Variants in NECTIN1 observed in about 807,000 individuals in gnomAD.
NECTIN1 encodes the protein nectin-1.
In NECTIN1, 23 loss-of-function variants were observed where a neutral mutation model predicts 48.0. The observed-to-expected ratio is 0.48, with a 90% CI of 0.34 to 0.68. NECTIN1 has a LOEUF of 0.68. Ranked by LOEUF, NECTIN1 falls within the 30% of genes least tolerant of loss-of-function variation. The pLI is 0.01. For synonymous variants in NECTIN1, 270 were observed against 288.9 expected (o/e 0.93, Z 0.66); for missense variants, 591 against 709.9 (o/e 0.83, Z 1.90).
At chr11:119,690,427 C>T (rs569757161) in intron 1 of NECTIN1, among the ~76,000 whole-genome samples, 11 of 152,296 alleles carry the variant, frequency 7.2e-5, no homozygotes, top group African/African-American at 1.9e-4. Context: ...AGTCTTTATC[C>T]GATGTGCTTC....
chr11:119,657,891 A>T (rs570241293), downstream of NECTIN1, among the ~76,000 whole-genome samples: 1 of 134,276 alleles, frequency 7.4e-6, no homozygotes, highest in South Asian at 2.4e-4. Context: ...ACTGCACTCC[A>T]GCCTGGGTGA....
chr11:119,664,424 G>A lies in NECTIN1; in HGVS notation c.*323C>T. On this transcript the variant is annotated 3_prime_UTR_variant, in exon 6 of 6. Transcript: ENST00000264025. ...GAGGCTGGCTCCCCAAACCCTGGAG[G>A]GATGCCCAGGTACACAAGACGAGAA... The A allele has an allele frequency of 8.8e-7, 1 of 1,140,340 alleles. No individual in the cohort carries two copies. The highest frequency in any genetic ancestry group is 1.1e-6 in the Non-Finnish European group (1 of 926,674). 70.6% of individuals were successfully genotyped at this position (1,140,340 alleles called of 1,614,324 possible).
In NECTIN1 at chr11:119,678,878, C is replaced by T. The variant is rs560937698; in HGVS notation, c.80-113G>A. ...ATAGCAGTCATTATTGTTTTTATTC[C>T]GATTGTAAAAATATTAATTACTTGT... On this transcript the variant is annotated intron_variant, in intron 1 of 5. Coordinates refer to ENST00000264025, the MANE Select transcript of NECTIN1 (RefSeq NM_002855.5). The surrounding 1 kb of genome is among the most constrained non-coding windows in gnomAD (Gnocchi z 4.4). 1.3e-4 allele frequency: 96 copies of T among 740,956 alleles called. No homozygotes were observed. Among genetic ancestry groups the T allele is most frequent in the African/African-American group, 6.6e-4 (38 of 57,296 alleles). 45.9% of individuals were successfully genotyped at this position (740,956 alleles called of 1,614,324 possible).
rs939328781 is a variant in NECTIN1, at chr11:119,728,720, G to C, written c.-167C>G. 8.7e-6 allele frequency: 4 copies of C among 461,836 alleles called. No individual in the cohort carries two copies. The highest frequency in any genetic ancestry group is 8.2e-5 in the African/African-American group (4 of 48,568). 28.6% of individuals were successfully genotyped at this position (461,836 alleles called of 1,614,324 possible). A position where few individuals can be genotyped will look rare whatever the true frequency, so the allele number is the denominator to read the frequency against. ...GGGGTGGGCTGGGTGGGATCCGCGC[G>C]GCCGCAGTCCGGGCCCCGGGCCGCC... is the stretch of plus-strand genomic sequence containing the variant. On this transcript the variant is annotated 5_prime_UTR_variant, in exon 1 of 6. Coordinates refer to ENST00000264025, the MANE Select transcript of NECTIN1 (RefSeq NM_002855.5).
At chr11:119,667,931 T>C (rs1204572802) in intron 5 of NECTIN1, among the ~76,000 whole-genome samples, 2 of 152,084 alleles carry the variant, frequency 1.3e-5, no homozygotes, top group African/African-American at 4.8e-5. Flanking sequence ...TCAGCAAAAA[T>C]AGGGGGGTCG....
In NECTIN1 at chr11:119,677,593, A is replaced by G. The variant is rs776714103; in HGVS notation, c.695T>C (p.Met232Thr). The G allele has an allele frequency of 6.2e-7, 1 of 1,613,176 alleles. No homozygotes were observed. The highest frequency in any genetic ancestry group is 8.5e-7 in the Non-Finnish European group (1 of 1,180,014). The change falls in exon 3 of 6, where the codon ATG (methionine) becomes ACG (threonine). Residue 232 changes from methionine to threonine, a missense_variant. Coordinates refer to ENST00000264025, the MANE Select transcript of NECTIN1 (RefSeq NM_002855.5). This position sits in a 1 kb window ranked among gnomAD's most constrained non-coding sequence, Gnocchi z 5.4. ...QSLACIVNYH[M>T]DRFKESLTLN... The stretch of plus-strand genomic sequence containing the variant: ...AGTGAGGCTTTCCTTGAAGCGGTCC[A>G]TGTGGTAGTTGACGATGCAGGCCAA...
At chr11:119,655,698 T>C (rs1864562340) in intron 5 of NECTIN1, among the ~76,000 whole-genome samples, 1 of 152,172 alleles carries the variant, frequency 6.6e-6, no homozygotes, top group African/African-American at 2.4e-5. Flanking sequence ...TTATTCTGTG[T>C]AGCTTCCCAG....
chr11:119,657,408 G>A (rs751233362), downstream of NECTIN1, among the ~76,000 whole-genome samples: 35 of 152,046 alleles, frequency 2.3e-4, no homozygotes, highest in Non-Finnish European at 3.8e-4. Context: ...AAGTTCAGGA[G>A]GTCGAGATCA....
At chr11:119,660,609 G>C (rs1864645651), downstream of NECTIN1, among the ~76,000 whole-genome samples, 1 of 152,174 alleles carries the variant, frequency 6.6e-6, no homozygotes. Flanking sequence ...GTGGGTGATA[G>C]GGGAACTGGA....
At position 119,655,572 on chromosome 11, in the gene NECTIN1, G is replaced by C. The variant is rs80144559; in HGVS notation, c.1004-15560C>G. On this transcript the variant is annotated intron_variant, in intron 5 of 7. Coordinates refer to the NECTIN1 transcript ENST00000341398. ...TCTGAAGCCCAGGCTCCTAACAGCT[G>C]TGTTGCTAAGTGGCCTGATGACGAT... Among the ~76,000 whole-genome samples, 124 of 152,300 alleles carry C rather than the reference G, an allele frequency of 8.1e-4. 1 individual carries two copies. The highest frequency in any genetic ancestry group is 2.9e-3 in the African/African-American group (119 of 41,560).
chr11:119,679,318 C>T (rs987904923), intron 1 of NECTIN1, among the ~76,000 whole-genome samples: 2 of 152,170 alleles, frequency 1.3e-5, no homozygotes, highest in African/African-American at 4.8e-5. Context: ...CGAGAAGGTG[C>T]GTCAGAGGCA....
intron 4 of NECTIN1, chr11:119,676,896 T>TGTG: frequency 1.6e-6 from 1 of 609,582 alleles, no homozygotes; most frequent in South Asian, 1.9e-5. Flanking sequence ...GCTTGTTCCA[T>TGTG]TGACCTTGAC....
chr11:119,710,541 C>T (rs1565400770), intron 1 of NECTIN1, among the ~76,000 whole-genome samples: 1 of 152,230 alleles, frequency 6.6e-6, no homozygotes, highest in East Asian at 1.9e-4. Flanking sequence ...CATGATGATA[C>T]AGGAAGAAAT....
intron 5 of NECTIN1, chr11:119,640,139 TC>T: frequency 9.6e-7 from 1 of 1,039,950 alleles, no homozygotes; most frequent in Non-Finnish European, 1.4e-6. Flanking sequence ...CCAGCTCCCC[TC>T]CCCATGGTGC....
rs570496726 is a variant in NECTIN1 at position 119,662,196 on chromosome 11, A to C, written c.*2551T>G. On this transcript the variant is annotated 3_prime_UTR_variant, in exon 6 of 6. Coordinates refer to ENST00000264025, the MANE Select transcript of NECTIN1 (RefSeq NM_002855.5). This position sits in a 1 kb window ranked among gnomAD's most constrained non-coding sequence, Gnocchi z 5.3. ...CATGCTGTGGGCATGAAGGAGAAGC[A>C]AAATGTCCTCATCTCTCTGCTGGGC... 2.5e-4 allele frequency: 246 copies of C among 985,478 alleles called. No individual in the cohort carries two copies. Among genetic ancestry groups the C allele is most frequent in the South Asian group, 9.9e-4 (21 of 21,290 alleles). The allele number at this position is 985,478 out of a possible 1,614,324, so 61.0% of individuals were successfully genotyped here. A position where few individuals can be genotyped will look rare whatever the true frequency, so the allele number is the denominator to read the frequency against.
chr11:119,638,650 G>A (rs758379222), intron 7 of NECTIN1: 58 of 1,291,092 alleles, frequency 4.5e-5, no homozygotes, highest in Non-Finnish European at 5.5e-5. Context: ...TCTTCAGCTT[G>A]GGCTCTCTCC....
rs1424649402 is a variant in NECTIN1 at position 119,678,111 on chromosome 11, A to C, written c.431-254T>G. 6.6e-6 allele frequency among the ~76,000 whole-genome samples: 1 copy of C among 152,178 alleles called. No homozygotes were observed. The highest frequency in any genetic ancestry group is 2.4e-5 in the African/African-American group (1 of 41,442). On this transcript the variant is annotated intron_variant, in intron 2 of 5. Transcript: ENST00000264025. This position sits in a 1 kb window ranked among gnomAD's most constrained non-coding sequence, Gnocchi z 4.4. The stretch of plus-strand genomic sequence containing the variant: ...GGCCTCCTGGAGTCCCAGCATGTCT[A>C]AGGCAAGCAGCGCAGGTGGCTCCTT...
At chr11:119,639,311 G>A (rs28489831) in intron 6 of NECTIN1, among the ~76,000 whole-genome samples, 4,173 of 152,280 alleles carry the variant, frequency 0.027, 195 homozygotes, top group African/African-American at 0.095. Context: ...GGTGTCTGAT[G>A]CGAAAGGAAA....
intron 5 of NECTIN1, among the ~76,000 whole-genome samples, chr11:119,671,044 A>G (rs79084000): frequency 6.6e-6 from 1 of 152,142 alleles, no homozygotes; most frequent in East Asian, 1.9e-4. Flanking sequence ...TAGCAGCAGC[A>G]GAATGGCTGG....
Sources: gnomAD v4.1 joint callset for allele counts (sites outside exome capture counted in the v4.1 genomes callset) on GRCh38, gnomAD v4.1.1 for gene constraint, Gnocchi (gnomAD v3.1) non-coding constraint, MANE v1.5 for transcripts, NCBI Gene and HGNC (gene_info 2026-07-23, HGNC 2026-07-21) for gene names.